Variants in MACF1 observed in about 807,000 individuals in gnomAD.
MACF1 encodes microtubule actin crosslinking factor 1.
MACF1 carries 193 observed loss-of-function variants against 854.8 expected under a neutral mutation model. The observed-to-expected ratio is 0.23, with a 90% CI of 0.20 to 0.25. MACF1 has a LOEUF of 0.25. Among genes scored for constraint, MACF1 ranks in the 10% least tolerant of loss-of-function variants. The pLI is 1.00. For synonymous variants in MACF1, 3,185 were observed against 3,226.7 expected (o/e 0.99, Z 0.44); for missense variants, 7,722 against 8,929.1 (o/e 0.86, Z 5.45).
chr1:39,374,406 C>T (rs1649533485), intron 52 of MACF1, among the ~76,000 whole-genome samples: 1 of 152,186 alleles, frequency 6.6e-6, no homozygotes. Context: ...GTGTACTTTT[C>T]TATAGTATTC....
intron 49 of MACF1, 145 bp downstream of exon 49, chr1:39,361,822 A>G: frequency 1.3e-6 from 1 of 765,946 alleles, no homozygotes; most frequent in Non-Finnish European, 2.1e-6. Flanking sequence ...GATCCCGTAA[A>G]CTAGGTATCA....
Position 39,300,418 on chromosome 1 carries a change from A to T in MACF1, c.2634+56A>T, listed in dbSNP as rs553455450. ...ACAGGGGGAAGGAAGAAAGAAGGGA[A>T]GCCTTCAGTTAGGGTTATGATGATA... On this transcript the variant is annotated intron_variant, in intron 22 of 100. Coordinates refer to ENST00000564288, the MANE Select transcript of MACF1 (RefSeq NM_001394062.1). 3.3e-5 allele frequency: 50 copies of T among 1,537,446 alleles called. No homozygotes were observed. The African/African-American group carries it at 6.6e-4, about 20-fold the overall frequency.
intron 5 of MACF1, chr1:39,254,689 A>C (rs1040692365): frequency 3.3e-6 from 1 of 302,588 alleles, no homozygotes; most frequent in African/African-American, 2.2e-5. Context: ...AAGAGATGGA[A>C]AAAAGGTGTG....
chr1:39,336,357 G>T lies in MACF1; in HGVS notation c.9769G>T (p.Asp3257Tyr), dbSNP rs754789688. The change falls in exon 37 of 101, where the codon GAC becomes TAC. Residue 3257 changes from aspartate to tyrosine, a missense_variant. By Grantham distance (160) the Asp-to-Tyr change is radical. Transcript: ENST00000564288. Reference protein sequence around the residue: ...VAGLEAGSIEDIVTQRGSRVL... With the variant: ...VAGLEAGSIEYIVTQRGSRVL... ...AGGTCTAGAAGCAGGATCCATTGAG[G>T]ACATAGTGACTCAGAGAGGTTCCAG... The T allele has an allele frequency of 1.2e-6, 2 of 1,614,170 alleles. No homozygotes were observed. Among genetic ancestry groups the T allele is most frequent in the South Asian group, 1.1e-5 (1 of 91,080 alleles).
intron 1 of MACF1, among the ~76,000 whole-genome samples, chr1:39,218,567 A>T (rs1176401458): frequency 1.3e-5 from 2 of 152,034 alleles, no homozygotes; most frequent in Non-Finnish European, 2.9e-5. Flanking sequence ...TCTGACTGTG[A>T]TATTCCCGTG....
chr1:39,187,971 C>G (rs1408279204), intron 2 of MACF1, among the ~76,000 whole-genome samples: 1 of 78,118 alleles, frequency 1.3e-5, no homozygotes, highest in South Asian at 7.0e-4. Flanking sequence ...CCCTCCTCTC[C>G]CCTCCTCTCC....
intron 2 of MACF1, among the ~76,000 whole-genome samples, chr1:39,172,526 GC>G (rs964219341): frequency 1.3e-5 from 2 of 152,066 alleles, no homozygotes; most frequent in African/African-American, 4.8e-5. Context: ...GCCATGTGGG[GC>G]CTTATTACCT....
intron 2 of MACF1, among the ~76,000 whole-genome samples, chr1:39,180,734 A>G (rs1220664609): frequency 6.6e-6 from 1 of 152,256 alleles, no homozygotes; most frequent in African/African-American, 2.4e-5. Flanking sequence ...TTACTAAGGT[A>G]GAATGAGCCA....
chr1:39,155,909 A>G (rs1427880198), intron 2 of MACF1, among the ~76,000 whole-genome samples: 4 of 135,504 alleles, frequency 3.0e-5, no homozygotes, highest in Non-Finnish European at 6.3e-5. Context: ...TTTTTTTGAG[A>G]TGGAGTCTTG....
At chr1:39,358,642 G>C in intron 45 of MACF1, 55 bp from the exon 46 acceptor site, 1 of 1,555,816 alleles carries the variant, frequency 6.4e-7, no homozygotes, top group Non-Finnish European at 8.8e-7. Flanking sequence ...TTGGGCAGCT[G>C]CTGCCTTTGG....
chr1:39,289,972 T>C (rs1173561335), intron 15 of MACF1, among the ~76,000 whole-genome samples: 1 of 152,082 alleles, frequency 6.6e-6, no homozygotes, highest in African/African-American at 2.4e-5. Flanking sequence ...AGTGCTGGGA[T>C]TACAGGCGTG....
chr1:39,313,739 C>T (rs1646349894), intron 26 of MACF1, among the ~76,000 whole-genome samples: 1 of 151,974 alleles, frequency 6.6e-6, no homozygotes, highest in African/African-American at 2.4e-5. Context: ...GCTTTTTTGT[C>T]CTTTTAACAT....
chr1:39,281,584 G>A (rs890692369), intron 6 of MACF1, among the ~76,000 whole-genome samples: 2 of 151,860 alleles, frequency 1.3e-5, no homozygotes, highest in African/African-American at 4.8e-5. Context: ...TTGATCTCTC[G>A]GCTTCAAGTG....
chr1:39,370,347 C>T (rs1229533241), intron 51 of MACF1, among the ~76,000 whole-genome samples, 161 bp downstream of exon 51: 3 of 152,132 alleles, frequency 2.0e-5, no homozygotes, highest in African/African-American at 4.8e-5. Context: ...AACCATCTAC[C>T]CATACAGTCC....
At chr1:39,435,248 T>C (rs748856356) in intron 69 of MACF1, among the ~76,000 whole-genome samples, 2 of 152,182 alleles carry the variant, frequency 1.3e-5, no homozygotes, top group East Asian at 1.9e-4. Flanking sequence ...GAAGTACTTA[T>C]GATTACAGAA....
At chr1:39,393,399 G>A (rs1197011441) in intron 58 of MACF1, among the ~76,000 whole-genome samples, 1 of 151,634 alleles carries the variant, frequency 6.6e-6, no homozygotes, top group East Asian at 1.9e-4. Flanking sequence ...GCATCATACT[G>A]GTGAGCATTA....
chr1:39,101,356 CAA>C (rs35075474), intron 2 of MACF1, among the ~76,000 whole-genome samples: 18 of 128,796 alleles, frequency 1.4e-4, no homozygotes, highest in African/African-American at 4.2e-4. Context: ...GACTCTGTCT[CAA>C]AAAAAAAAAA....
chr1:39,357,706 G>T lies in MACF1; in HGVS notation c.11756G>T (p.Arg3919Leu), dbSNP rs753554779. ...SPETLPSLLK[R>L]QGSFSEDVIS... ...GAGACCCTTCCCTCCCTGCTAAAGC[G>T]GCAAGGAAGCTTCTCAGAGGATGTC... is the stretch of plus-strand genomic sequence containing the variant. Residue 3919 changes from arginine (R) to leucine (L), a missense_variant, in exon 45 of 101, where the codon CGG becomes CTG. By Grantham distance (102) the Arg-to-Leu change is moderately radical. Transcript: ENST00000564288. 3.1e-6 allele frequency: 5 copies of T among 1,614,072 alleles called. No homozygotes were observed. The highest frequency in any genetic ancestry group is 4.2e-6 in the Non-Finnish European group (5 of 1,180,016).
intron 1 of MACF1, among the ~76,000 whole-genome samples, chr1:39,208,673 G>A (rs1351700761): frequency 6.6e-6 from 1 of 152,004 alleles, no homozygotes; most frequent in Non-Finnish European, 1.5e-5. Context: ...CGCCCAGGCT[G>A]GCGTGCAGTG....
Sources: allele counts gnomAD v4.1 joint callset (sites outside exome capture counted in the v4.1 genomes callset), GRCh38; gene constraint gnomAD v4.1.1; transcripts MANE v1.5; gene names NCBI Gene and HGNC (gene_info 2026-07-23, HGNC 2026-07-21).